Variants in APOBEC2 observed in about 807,000 individuals in gnomAD.
The protein encoded by APOBEC2 is C->U-editing enzyme APOBEC-2.
A neutral mutation model predicts 19.4 loss-of-function variants in APOBEC2; 14 were observed. That is an observed-to-expected ratio of 0.72 (90% CI 0.48 to 1.13). The LOEUF is 1.13. APOBEC2 is among the 50% of genes most tolerant of loss of function. The pLI is 0.00. For synonymous variants in APOBEC2, 127 were observed against 112.1 expected, an observed-to-expected ratio of 1.13 and a Z score of -0.84; for missense variants, 304 against 277.0, an observed-to-expected ratio of 1.10 and a Z score of -0.69.
In APOBEC2 at chr6:41,053,535, A is replaced by C. The variant is rs955366292; in HGVS notation, c.131+57A>C. 2.5e-6 allele frequency: 4 copies of C among 1,597,096 alleles called. No homozygotes were observed. In the African/African-American group the frequency reaches 5.4e-5, roughly 21 times the overall value. On this transcript the variant is annotated intron_variant, in intron 1 of 2. Transcript: ENST00000244669. ...CCCTAGAAGAGTGCAGCCTTGGGTT[A>C]GGCTGTGGAAATTCAGGATGGTTAT... is the stretch of plus-strand genomic sequence containing the variant.
intron 1 of APOBEC2, among the ~76,000 whole-genome samples, chr6:41,060,345 A>G (rs919130105): frequency 6.6e-6 from 1 of 152,206 alleles, no homozygotes; most frequent in African/African-American, 2.4e-5. Context: ...TTGCATGGAC[A>G]TCATTTTTAT....
At chr6:41,056,811 C>A (rs937887351) in intron 1 of APOBEC2, among the ~76,000 whole-genome samples, 6 of 152,148 alleles carry the variant, frequency 3.9e-5, no homozygotes, top group Non-Finnish European at 8.8e-5. Flanking sequence ...CTCTGTCAGA[C>A]AAGACAGGGA....
rs1214729492 is a variant in APOBEC2 at position 41,061,368 on chromosome 6, A to G, written c.172A>G (p.Asn58Asp). ...CAACTTCTTTAAATTCCAGTTCCGG[A>G]ATGTGGAGTACAGTTCCGGGAGGAA... ...PANFFKFQFR[N>D]VEYSSGRNKT... is the part of the protein sequence containing the mutation. The change falls in exon 2 of 3, where the codon AAT becomes GAT. Residue 58 changes from asparagine (N) to aspartate (D), a missense_variant. Asn to Asp is a conservative substitution (Grantham distance 23, BLOSUM62 1). Coordinates refer to ENST00000244669, the MANE Select transcript of APOBEC2 (RefSeq NM_006789.4). 1 of 1,541,980 alleles carries G rather than the reference A, an allele frequency of 6.5e-7. No homozygotes were observed. Among genetic ancestry groups the G allele is most frequent in the East Asian group, 2.3e-5 (1 of 44,138 alleles).
intron 1 of APOBEC2, among the ~76,000 whole-genome samples, chr6:41,057,582 T>C (rs1168279545): frequency 6.6e-6 from 1 of 152,158 alleles, no homozygotes; most frequent in Non-Finnish European, 1.5e-5. Context: ...AAAAGTGGTC[T>C]GAGAAAGCAG....
intron 1 of APOBEC2, 107 bp downstream of exon 1, chr6:41,053,585 C>T (rs780636744): frequency 2.0e-5 from 30 of 1,516,324 alleles, no homozygotes; most frequent in Non-Finnish European, 2.7e-5. Flanking sequence ...ACAGCTACAA[C>T]CCTGCAGCAG....
In APOBEC2 at chr6:41,061,646, G is replaced by A. The variant is rs1464105054; in HGVS notation, c.450G>A (p.Leu150=). 1 of 1,614,234 alleles carries A rather than the reference G, an allele frequency of 6.2e-7. No individual in the cohort carries two copies. The change falls in exon 2 of 3, where the codon CTG becomes CTA. Residue 150 remains leucine (L), a synonymous_variant. Transcript: ENST00000244669. ...SKTKNLRLLI[L]VGRLFMWEEP... ...CCAAGAACCTGCGTCTGCTCATTCT[G>A]GTGGGTCGACTCTTCATGTGGGAGG...
In APOBEC2 at chr6:41,064,341, T is replaced by C. The variant is rs1284813754; in HGVS notation, c.*262T>C. 1 of 152,262 alleles carries C rather than the reference T, an allele frequency of 6.6e-6. No individual in the cohort carries two copies. The highest frequency in any genetic ancestry group is 1.5e-5 in the Non-Finnish European group (1 of 68,040). 9.4% of individuals were successfully genotyped at this position (152,262 alleles called of 1,614,324 possible). A position where few individuals can be genotyped will look rare whatever the true frequency, so the allele number is the denominator to read the frequency against. On this transcript the variant is annotated 3_prime_UTR_variant, in exon 3 of 3. Coordinates refer to ENST00000244669, the MANE Select transcript of APOBEC2 (RefSeq NM_006789.4). ...GCAAGGAGAGAAATGCAACCATACATGGGCTCCAGTCAACTATGGGACTGA... is the reference window on the plus strand; with the variant it reads ...GCAAGGAGAGAAATGCAACCATACACGGGCTCCAGTCAACTATGGGACTGA...
chr6:41,063,372 T>C (rs1762903793), intron 2 of APOBEC2, among the ~76,000 whole-genome samples: 1 of 152,202 alleles, frequency 6.6e-6, no homozygotes, highest in Non-Finnish European at 1.5e-5. Flanking sequence ...ACTTTTAGAA[T>C]TCCTTGAAGA....
At chr6:41,053,590 C>A in intron 1 of APOBEC2, 112 bp downstream of exon 1, 1 of 1,492,286 alleles carries the variant, frequency 6.7e-7, no homozygotes, top group Non-Finnish European at 9.0e-7. Context: ...TACAACCCTG[C>A]AGCAGTGAGA....
At chr6:41,054,803 T>A (rs973687514) in intron 1 of APOBEC2, among the ~76,000 whole-genome samples, 1 of 152,214 alleles carries the variant, frequency 6.6e-6, no homozygotes, top group Non-Finnish European at 1.5e-5. Context: ...AGAGCCTTTT[T>A]CTAACACCTA....
chr6:41,053,292 C>G lies in APOBEC2; in HGVS notation c.-56C>G. The G allele has an allele frequency of 6.3e-7, 1 of 1,589,882 alleles. No homozygotes were observed. The highest frequency in any genetic ancestry group is 8.5e-7 in the Non-Finnish European group (1 of 1,170,214). On this transcript the variant is annotated 5_prime_UTR_variant, in exon 1 of 3. Transcript: ENST00000244669. The stretch of plus-strand genomic sequence containing the variant: ...TGGGACTCTGCCGCCAGGGCCTGGC[C>G]CAGACCTGCCTGCCTCTCTCCTCTC...
At position 41,061,836 on chromosome 6, in the gene APOBEC2, T is replaced by C. The variant is rs1213344921; in HGVS notation, c.640T>C (p.Tyr214His). The change falls in exon 2 of 3, where the codon TAC becomes CAC. Residue 214 changes from tyrosine (Y) to histidine (H), a missense_variant. Transcript: ENST00000244669. ...GGAGGACATTCAGGAGAACTTCCTATACTACGAGGAGAAGTTGGCAGACAT... is the reference window on the plus strand; with the variant it reads ...GGAGGACATTCAGGAGAACTTCCTACACTACGAGGAGAAGTTGGCAGACAT... ...PWEDIQENFL[Y>H]YEEKLADILK The C allele has an allele frequency of 1.2e-6, 2 of 1,614,026 alleles. No homozygotes were observed. Among genetic ancestry groups the C allele is most frequent in the African/African-American group, 1.3e-5 (1 of 75,066 alleles).
rs1762907481 is a variant in APOBEC2 at position 41,063,543 on chromosome 6, T to TC, written c.*22-558_*22-557insC. ...TAGCAAGTCCTTAGAGCTTTTTTTT[T>TC]TTTTTTTTTTTTTCAGTGATTTCAA... On this transcript the variant is annotated intron_variant, in intron 2 of 2. Coordinates refer to ENST00000244669, the MANE Select transcript of APOBEC2 (RefSeq NM_006789.4). Among the ~76,000 whole-genome samples, 3 of 148,766 alleles carry TC rather than the reference T, an allele frequency of 2.0e-5. 1 individual carries two copies. The highest frequency in any genetic ancestry group is 2.0e-4 in the Admixed American group (3 of 14,968).
At chr6:41,059,293 AG>A (rs750715142) in intron 1 of APOBEC2, among the ~76,000 whole-genome samples, 2 of 152,146 alleles carry the variant, frequency 1.3e-5, no homozygotes, top group Non-Finnish European at 2.9e-5. Flanking sequence ...TCCATCATAT[AG>A]GTGGCCCTGG....
chr6:41,056,473 C>A lies in APOBEC2; in HGVS notation c.131+2995C>A, dbSNP rs952003812. 1.1e-4 allele frequency among the ~76,000 whole-genome samples: 17 copies of A among 152,324 alleles called. No individual in the cohort carries two copies. The Middle Eastern group carries it at 0.014, about 122-fold the overall frequency. ...AACCTTAGAAGTTAGATTACTCACT[C>A]TTTCAGGTGAGGAAACTAAGCCTCA... is the stretch of plus-strand genomic sequence containing the variant. On this transcript the variant is annotated intron_variant, in intron 1 of 2. Coordinates refer to ENST00000244669, the MANE Select transcript of APOBEC2 (RefSeq NM_006789.4).
At chr6:41,061,156 CTTTTTTTTTTTT>C (rs35586672) in intron 1 of APOBEC2, among the ~76,000 whole-genome samples, 160 bp from the exon 2 acceptor site, 1 of 105,654 alleles carries the variant, frequency 9.5e-6, no homozygotes. Context: ...TTTTTTAATG[CTTTTTTTTTTTT>C]TTTTTTTTTT....
intron 1 of APOBEC2, among the ~76,000 whole-genome samples, chr6:41,053,820 A>C (rs1249900276): frequency 6.6e-6 from 1 of 152,204 alleles, no homozygotes; most frequent in East Asian, 1.9e-4. Flanking sequence ...GCGAGGACAG[A>C]GGATGAGACT....
chr6:41,058,872 C>G (rs1487311615), intron 1 of APOBEC2, among the ~76,000 whole-genome samples: 1 of 152,216 alleles, frequency 6.6e-6, no homozygotes, highest in Non-Finnish European at 1.5e-5. Flanking sequence ...TTCCTTTGCT[C>G]CTTGAAAGCA....
chr6:41,056,929 A>T (rs1481034869), intron 1 of APOBEC2, among the ~76,000 whole-genome samples: 1 of 152,128 alleles, frequency 6.6e-6, no homozygotes, highest in African/African-American at 2.4e-5. Flanking sequence ...TTCTGGACAC[A>T]GCACGTTTTA....
Sources: gnomAD v4.1 joint callset for allele counts (sites outside exome capture counted in the v4.1 genomes callset) on GRCh38, gnomAD v4.1.1 for gene constraint, MANE v1.5 for transcripts, NCBI Gene and HGNC (gene_info 2026-07-23, HGNC 2026-07-21) for gene names.